GMEB1: variants seen among roughly 807,000 people sequenced by gnomAD.
GMEB1 encodes glucocorticoid modulatory element binding protein 1.
Under a neutral mutation model 52.4 loss-of-function variants are expected in GMEB1, and 6 were observed. The ratio of observed to expected loss-of-function variants is 0.11; its 90% CI spans 0.06 to 0.23. GMEB1 has a LOEUF of 0.23. GMEB1 is among the 10% of genes least tolerant of loss of function. The pLI is 1.00. For missense variants in GMEB1, 486 were observed against 685.6 expected (o/e 0.71, Z 3.25); for synonymous variants, 255 against 244.9 (o/e 1.04, Z -0.38).
intron 1 of GMEB1, among the ~76,000 whole-genome samples, chr1:28,677,673 G>T (rs1669220067): frequency 6.6e-6 from 1 of 152,000 alleles, no homozygotes; most frequent in Non-Finnish European, 1.5e-5. Flanking sequence ...ACATTTTTAT[G>T]GTTCAAATTT....
intron 5 of GMEB1, among the ~76,000 whole-genome samples, chr1:28,695,735 G>A (rs1168352018): frequency 1.4e-5 from 2 of 146,812 alleles, no homozygotes; most frequent in Non-Finnish European, 3.0e-5. Flanking sequence ...TCAGGAGATC[G>A]AGACCATCCC....
Position 28,717,390 on chromosome 1 carries a change from A to G in GMEB1, c.*2617A>G, listed in dbSNP as rs1397156058. 1 of 152,120 alleles carries G rather than the reference A, an allele frequency of 6.6e-6. No homozygotes were observed. Among genetic ancestry groups the G allele is most frequent in the East Asian group, 1.9e-4 (1 of 5,184 alleles). 9.4% of individuals were successfully genotyped at this position (152,120 alleles called of 1,614,324 possible). On this transcript the variant is annotated 3_prime_UTR_variant, in exon 10 of 10. Transcript: ENST00000373816. ...TTTTTAGTAGAGACGGGGTTTTGCC[A>G]TGTTGGCCAGGCTGGTCTTGAACTC... is the stretch of plus-strand genomic sequence containing the variant.
At chr1:28,677,144 T>C (rs186893287) in intron 1 of GMEB1, among the ~76,000 whole-genome samples, 1 of 152,268 alleles carries the variant, frequency 6.6e-6, no homozygotes, top group East Asian at 1.9e-4. Context: ...ACTTGTGTCC[T>C]ATCCCCCAGA....
At chr1:28,693,317 C>G (rs764713798) in intron 5 of GMEB1, among the ~76,000 whole-genome samples, 8 of 151,356 alleles carry the variant, frequency 5.3e-5, no homozygotes, top group Non-Finnish European at 8.8e-5. Flanking sequence ...CTCCCGGGTT[C>G]AAGCAGTTCT....
At chr1:28,705,082 C>CAAAAAAAA (rs756423377) in intron 8 of GMEB1, among the ~76,000 whole-genome samples, 1 of 49,238 alleles carries the variant, frequency 2.0e-5, no homozygotes, top group African/African-American at 7.4e-5. Context: ...GACCTTGTCT[C>CAAAAAAAA]AAAAAAAAAA....
At chr1:28,685,244 G>A (rs1432392951) in intron 2 of GMEB1, among the ~76,000 whole-genome samples, 1 of 150,428 alleles carries the variant, frequency 6.6e-6, no homozygotes, top group Admixed American at 6.6e-5. Context: ...GAGTCTCACT[G>A]TATCGCCCAG....
chr1:28,672,029 T>C (rs1668906955), intron 1 of GMEB1, among the ~76,000 whole-genome samples: 1 of 150,694 alleles, frequency 6.6e-6, no homozygotes, highest in Non-Finnish European at 1.5e-5. Context: ...GGAGAATTGC[T>C]TGAACTTGGG....
intron 3 of GMEB1, among the ~76,000 whole-genome samples, chr1:28,690,797 A>G (rs1421701328): frequency 6.6e-6 from 1 of 151,974 alleles, no homozygotes; most frequent in Non-Finnish European, 1.5e-5. Context: ...CCTGGCCAAC[A>G]TGGCGAAACC....
intron 8 of GMEB1, among the ~76,000 whole-genome samples, chr1:28,704,608 ATT>A (rs961425046): frequency 6.9e-6 from 1 of 145,418 alleles, no homozygotes. Context: ...CACAAAAAAA[ATT>A]TTTTTTTTTT....
chr1:28,681,328 A>C (rs1669378558), intron 1 of GMEB1, among the ~76,000 whole-genome samples: 1 of 152,168 alleles, frequency 6.6e-6, no homozygotes, highest in South Asian at 2.1e-4. Context: ...AGATCGTGCC[A>C]CAGAACTCCA....
chr1:28,684,095 C>G (rs1202842494), intron 2 of GMEB1, among the ~76,000 whole-genome samples: 1 of 152,092 alleles, frequency 6.6e-6, no homozygotes, highest in Non-Finnish European at 1.5e-5. Flanking sequence ...CCTCGAATTC[C>G]TGGGCTCAAA....
intron 1 of GMEB1, 90 bp downstream of exon 1, chr1:28,668,929 G>A (rs1234603450): frequency 6.9e-6 from 1 of 144,980 alleles, no homozygotes; most frequent in Admixed American, 6.8e-5. Flanking sequence ...CGGCGAGGGC[G>A]GGCGGGCGCG....
chr1:28,675,950 T>A (rs1158695803), intron 1 of GMEB1, among the ~76,000 whole-genome samples: 1 of 152,170 alleles, frequency 6.6e-6, no homozygotes, highest in Non-Finnish European at 1.5e-5. Flanking sequence ...CCAAACTTGC[T>A]TCTCTAAAGA....
At chr1:28,688,844 A>G (rs1253697636) in intron 2 of GMEB1, among the ~76,000 whole-genome samples, 1 of 151,038 alleles carries the variant, frequency 6.6e-6, no homozygotes, top group African/African-American at 2.4e-5. Flanking sequence ...ATTCCATAAT[A>G]TGAATTAGTT....
rs367584806 is a variant in GMEB1 at position 28,699,132 on chromosome 1, T to C, written c.598+2048T>C. On this transcript the variant is annotated intron_variant, in intron 6 of 9. Coordinates refer to ENST00000373816, the MANE Select transcript of GMEB1 (RefSeq NM_001319674.2). ...GACTCTGGATACCCCACTGTAATGA[T>C]TGGAGTTGTCTGCTTGGAGGGGCTC... is the stretch of plus-strand genomic sequence containing the variant. 5.3e-4 allele frequency among the ~76,000 whole-genome samples: 80 copies of C among 152,266 alleles called. No homozygotes were observed. In the South Asian group the frequency reaches 0.01, roughly 19 times the overall value.
rs377721581 is a variant in GMEB1, at chr1:28,704,374, C to G, written c.868+45C>G. ...CAGTAGCAGTGATTTATTGAATACT[C>G]ACCTCCGTAGGCAGGTCCTGTAAGC... On this transcript the variant is annotated intron_variant, in intron 8 of 9. Coordinates refer to ENST00000373816, the MANE Select transcript of GMEB1 (RefSeq NM_001319674.2). 1.9e-6 allele frequency: 3 copies of G among 1,552,432 alleles called. No individual in the cohort carries two copies. The Admixed American group carries it at 5.4e-5, about 28-fold the overall frequency.
chr1:28,681,046 A>AAAAAC (rs565663360), intron 1 of GMEB1, among the ~76,000 whole-genome samples: 333 of 152,278 alleles, frequency 2.2e-3, no homozygotes, highest in Middle Eastern at 0.02. Context: ...CTCTGTCTAA[A>AAAAAC]AAAACAAAAC....
In GMEB1 at chr1:28,714,430, C is replaced by G. The variant is rs1671198925; in HGVS notation, c.1349C>G (p.Pro450Arg). 1 of 1,614,088 alleles carries G rather than the reference C, an allele frequency of 6.2e-7. No individual in the cohort carries two copies. Among genetic ancestry groups the G allele is most frequent in the African/African-American group, 1.3e-5 (1 of 74,934 alleles). Residue 450 changes from proline (P) to arginine (R), a missense_variant, in exon 10 of 10, where the codon CCA becomes CGA. By Grantham distance (103) the Pro-to-Arg change is moderately radical (BLOSUM62 -2). Coordinates refer to ENST00000373816, the MANE Select transcript of GMEB1 (RefSeq NM_001319674.2). Reference protein sequence around the residue: ...TVVSSAKSSSPDTVTIHPSSS... With the variant: ...TVVSSAKSSSRDTVTIHPSSS... Reference sequence around the variant, plus strand: ...GTCTCCTCTGCCAAGAGCAGCTCACCAGACACAGTGACCATCCACCCTTCA... The same window carrying G: ...GTCTCCTCTGCCAAGAGCAGCTCACGAGACACAGTGACCATCCACCCTTCA...
At chr1:28,673,366 C>T (rs1000154731) in intron 1 of GMEB1, among the ~76,000 whole-genome samples, 1 of 152,112 alleles carries the variant, frequency 6.6e-6, no homozygotes, top group Non-Finnish European at 1.5e-5. Flanking sequence ...AAGCGATTCT[C>T]CTGCCTCAGC....
Sources: gnomAD v4.1 joint callset for allele counts (sites outside exome capture counted in the v4.1 genomes callset) on GRCh38, gnomAD v4.1.1 for gene constraint, MANE v1.5 for transcripts, NCBI Gene and HGNC (gene_info 2026-07-23, HGNC 2026-07-21) for gene names.